Variants in CADPS observed in about 807,000 individuals in gnomAD.
CADPS encodes the protein calcium dependent secretion activator.
CADPS carries 57 observed loss-of-function variants against 167.3 expected under a neutral mutation model. That is an observed-to-expected ratio of 0.34 (90% CI 0.28 to 0.42). The LOEUF (loss-of-function observed/expected upper bound fraction) is 0.42, where lower values mean the gene tolerates loss of function less well. Ranked by LOEUF, CADPS falls within the 20% of genes least tolerant of loss-of-function variation. The pLI, the probability that CADPS is intolerant of heterozygous loss-of-function variation, is 1.00. For synonymous variants in CADPS, 676 were observed against 635.3 expected, an observed-to-expected ratio of 1.06 and a Z score of -0.96; for missense variants, 1,414 against 1,738.1, an observed-to-expected ratio of 0.81 and a Z score of 3.32.
At chr3:62,555,332 G>A (rs1169778152) in intron 10 of CADPS, among the ~76,000 whole-genome samples, 3 of 152,178 alleles carry the variant, frequency 2.0e-5, no homozygotes, top group Non-Finnish European at 1.5e-5. Flanking sequence ...CCTTACACAT[G>A]TAGATAGAAT....
At chr3:62,831,751 C>T (rs1054903831) in intron 1 of CADPS, among the ~76,000 whole-genome samples, 6 of 152,098 alleles carry the variant, frequency 3.9e-5, no homozygotes, top group African/African-American at 9.7e-5. Context: ...AAAATCACTA[C>T]ATAAAAAGCA....
chr3:62,859,161 A>C (rs1018057328), intron 1 of CADPS, among the ~76,000 whole-genome samples: 1 of 152,170 alleles, frequency 6.6e-6, no homozygotes, highest in South Asian at 2.1e-4. Context: ...GGGCATATAC[A>C]ATATATATAA....
chr3:62,713,517 A>G (rs1238355662), intron 3 of CADPS, among the ~76,000 whole-genome samples: 2 of 152,306 alleles, frequency 1.3e-5, no homozygotes, highest in Admixed American at 6.5e-5. Context: ...TCCACACCTT[A>G]TTTGGCACGT....
chr3:62,861,235 C>A (rs190887046), intron 1 of CADPS, among the ~76,000 whole-genome samples: 1 of 152,246 alleles, frequency 6.6e-6, no homozygotes, highest in East Asian at 1.9e-4. Context: ...TTATGTGGTT[C>A]ACAATGTTAT....
At chr3:62,686,417 C>G (rs1337504154) in intron 3 of CADPS, among the ~76,000 whole-genome samples, 1 of 151,912 alleles carries the variant, frequency 6.6e-6, no homozygotes, top group Non-Finnish European at 1.5e-5. Context: ...GTCTTTGGCC[C>G]CCAAATAATA....
At chr3:62,857,165 C>G (rs1398060785) in intron 1 of CADPS, among the ~76,000 whole-genome samples, 3 of 151,818 alleles carry the variant, frequency 2.0e-5, no homozygotes, top group African/African-American at 7.3e-5. Context: ...TGGAAGGTAA[C>G]AGAATTTGTG....
At chr3:62,472,911 C>G (rs540340595) in intron 24 of CADPS, among the ~76,000 whole-genome samples, 1 of 152,206 alleles carries the variant, frequency 6.6e-6, no homozygotes, top group Non-Finnish European at 1.5e-5. Context: ...ATCAGTGGTT[C>G]TCATAGTGTG....
chr3:62,675,062 C>A (rs1580195235), intron 3 of CADPS, among the ~76,000 whole-genome samples: 1 of 152,022 alleles, frequency 6.6e-6, no homozygotes, highest in East Asian at 1.9e-4. Flanking sequence ...ACTCTACTTA[C>A]CCAGTGCCAA....
At position 62,445,813 on chromosome 3, in the gene CADPS, G is replaced by A; in HGVS notation, c.3637-16C>T. ...CTGCCTTCACCTAAAGAGGAAAGAA[G>A]AGGATGGAAGTGAGGCTGGTGTTTA... is the stretch of plus-strand genomic sequence containing the variant. On this transcript the variant is annotated splice_polypyrimidine_tract_variant and intron_variant, in intron 26 of 29. Transcript: ENST00000383710. 4 of 1,489,412 alleles carry A rather than the reference G, an allele frequency of 2.7e-6. No individual in the cohort carries two copies. Among genetic ancestry groups the A allele is most frequent in the Non-Finnish European group, 3.5e-6 (4 of 1,128,198 alleles). The allele number at this position is 1,489,412 out of a possible 1,614,324, so 92.3% of individuals were successfully genotyped here.
At chr3:62,444,260 T>G (rs767381808) in intron 27 of CADPS, among the ~76,000 whole-genome samples, 5 of 152,234 alleles carry the variant, frequency 3.3e-5, no homozygotes, top group Non-Finnish European at 7.3e-5. Flanking sequence ...AACGCTGATG[T>G]CTGCAAATTC....
intron 13 of CADPS, 126 bp from the exon 14 acceptor site, chr3:62,518,376 G>A (rs1415393182): frequency 3.0e-6 from 2 of 677,950 alleles, no homozygotes; most frequent in Non-Finnish European, 4.9e-6. Flanking sequence ...GAGCTCAGGA[G>A]AAGCCCAGCT....
At chr3:62,804,245 A>G (rs926789767) in intron 1 of CADPS, among the ~76,000 whole-genome samples, 1 of 152,184 alleles carries the variant, frequency 6.6e-6, no homozygotes, top group Non-Finnish European at 1.5e-5. Flanking sequence ...GGACAGATAA[A>G]TGAAGAAACT....
intron 10 of CADPS, chr3:62,550,942 C>T (rs1284653884): frequency 4.4e-6 from 2 of 456,722 alleles, no homozygotes; most frequent in East Asian, 6.9e-5. Context: ...CTGGCTGCTG[C>T]TCCTTAGTCT....
chr3:62,869,757 C>T (rs1217954495), intron 1 of CADPS, among the ~76,000 whole-genome samples: 1 of 152,170 alleles, frequency 6.6e-6, no homozygotes, highest in Admixed American at 6.5e-5. Flanking sequence ...TGGGTGAGCG[C>T]TTGGTGCAAT....
chr3:62,450,138 G>T (rs949316141), intron 26 of CADPS, among the ~76,000 whole-genome samples: 4 of 152,180 alleles, frequency 2.6e-5, no homozygotes, highest in Non-Finnish European at 5.9e-5. Context: ...CTATAAAAAA[G>T]ATTCTGGAAT....
At chr3:62,722,206 C>A (rs960071652) in intron 3 of CADPS, among the ~76,000 whole-genome samples, 2 of 152,124 alleles carry the variant, frequency 1.3e-5, no homozygotes, top group African/African-American at 4.8e-5. Context: ...CTGTGTTGAG[C>A]AAAGATTTCA....
At position 62,490,746 on chromosome 3, in the gene CADPS, T is replaced by A. The variant is rs535829776; in HGVS notation, c.3026+593A>T. ...CATACTTGGCCATAAAGGTTTTTTT[T>A]AAAAAGGTGCATCTAAAAGGCCTAG... On this transcript the variant is annotated intron_variant, in intron 21 of 29. Transcript: ENST00000383710. 3.3e-5 allele frequency among the ~76,000 whole-genome samples: 5 copies of A among 152,282 alleles called. No homozygotes were observed. The East Asian group carries it at 9.6e-4, about 29-fold the overall frequency.
intron 3 of CADPS, among the ~76,000 whole-genome samples, chr3:62,743,661 C>A (rs2080812056): frequency 6.6e-6 from 1 of 152,236 alleles, no homozygotes; most frequent in East Asian, 1.9e-4. Context: ...CTGAAGACTG[C>A]AGGGCTTTGT....
intron 28 of CADPS, among the ~76,000 whole-genome samples, chr3:62,413,445 A>C (rs1377041984): frequency 6.6e-6 from 1 of 152,216 alleles, no homozygotes; most frequent in Non-Finnish European, 1.5e-5. Context: ...TTCAGCCTTA[A>C]AAAGGAAGGA....
Sources: gnomAD v4.1 joint callset for allele counts (sites outside exome capture counted in the v4.1 genomes callset) on GRCh38, gnomAD v4.1.1 for gene constraint, MANE v1.5 for transcripts, NCBI Gene and HGNC (gene_info 2026-07-23, HGNC 2026-07-21) for gene names.